Variants in SULF1 observed in about 807,000 individuals in gnomAD.
The protein encoded by SULF1 is extracellular sulfatase Sulf-1.
In SULF1, 46 loss-of-function variants were observed where a neutral mutation model predicts 110.5. That is an observed-to-expected ratio of 0.42 (90% CI 0.33 to 0.53). The LOEUF (loss-of-function observed/expected upper bound fraction) is 0.53. Ranked by LOEUF, SULF1 falls within the 20% of genes least tolerant of loss-of-function variation. The pLI, the probability that SULF1 is intolerant of heterozygous loss-of-function variation, is 0.12. For missense variants in SULF1, 941 were observed against 1,094.2 expected, an observed-to-expected ratio of 0.86 and a Z score of 1.98; for synonymous variants, 371 against 387.1, an observed-to-expected ratio of 0.96 and a Z score of 0.49.
At chr8:69,583,181 T>C (rs1024529227) in intron 6 of SULF1, among the ~76,000 whole-genome samples, 2 of 152,206 alleles carry the variant, frequency 1.3e-5, no homozygotes, top group African/African-American at 4.8e-5. Context: ...TAGATTCTTT[T>C]AAAAATAATA....
At chr8:69,488,540 T>C (rs1041214626), upstream of SULF1, among the ~76,000 whole-genome samples, 2 of 151,934 alleles carry the variant, frequency 1.3e-5, no homozygotes, top group African/African-American at 4.8e-5. Flanking sequence ...TATTTGGAAA[T>C]AGCCTAACAG....
intron 13 of SULF1, among the ~76,000 whole-genome samples, chr8:69,607,556 G>T (rs1410329133): frequency 6.6e-6 from 1 of 152,076 alleles, no homozygotes; most frequent in Non-Finnish European, 1.5e-5. Flanking sequence ...TAGAGATGGG[G>T]TTTTGCCATG....
At chr8:69,597,902 A>G (rs1432344590) in intron 8 of SULF1, among the ~76,000 whole-genome samples, 5 of 152,156 alleles carry the variant, frequency 3.3e-5, no homozygotes, top group East Asian at 1.9e-4. Context: ...CCAACTTTCT[A>G]TATTTCTCTG....
At chr8:69,608,261 T>G (rs1480237063) in intron 13 of SULF1, among the ~76,000 whole-genome samples, 1 of 152,224 alleles carries the variant, frequency 6.6e-6, no homozygotes, top group Non-Finnish European at 1.5e-5. Flanking sequence ...GAGGATTAAG[T>G]GATATTATAC....
chr8:69,544,224 T>C (rs1814072089), intron 3 of SULF1, among the ~76,000 whole-genome samples: 1 of 152,204 alleles, frequency 6.6e-6, no homozygotes, highest in African/African-American at 2.4e-5. Context: ...ATTTGAGGTA[T>C]AACTGAGACA....
intron 6 of SULF1, among the ~76,000 whole-genome samples, chr8:69,582,448 T>C (rs1415859149): frequency 6.6e-6 from 1 of 152,210 alleles, no homozygotes; most frequent in African/African-American, 2.4e-5. Flanking sequence ...AGCCGTTGTT[T>C]TGTGCCAGGC....
At chr8:69,573,095 G>A (rs781476087) in intron 5 of SULF1, among the ~76,000 whole-genome samples, 9 of 152,188 alleles carry the variant, frequency 5.9e-5, no homozygotes, top group East Asian at 5.8e-4. Flanking sequence ...CCAAAGTGCC[G>A]GGATTACAGG....
chr8:69,607,159 G>A (rs76774992), intron 13 of SULF1, among the ~76,000 whole-genome samples: 7,954 of 152,278 alleles, frequency 0.052, 227 homozygotes, highest in Middle Eastern at 0.085. Flanking sequence ...TAGGGGTGAA[G>A]CCCAGCAATC....
chr8:69,531,809 C>A (rs1454107348), intron 3 of SULF1, among the ~76,000 whole-genome samples: 1 of 152,118 alleles, frequency 6.6e-6, no homozygotes, highest in African/African-American at 2.4e-5. Flanking sequence ...CCAAGACGAC[C>A]TTTTCCTCTT....
chr8:69,629,574 A>G lies in SULF1; in HGVS notation c.2179A>G (p.Arg727Gly). ...KENNRRRKKE[R>G]KEKRRQRKGE... ...GAACAACCGTAGGAGGAAGAAGGAG[A>G]GGAAGGAGAAGAGACGGCAGAGGAA... The change falls in exon 19 of 23, where the codon AGG becomes GGG. Residue 727 changes from arginine (R) to glycine (G), a missense_variant. This residue lies in a region of SULF1 where 822 missense variants were observed against 934.3 expected (regional missense o/e 0.88). Transcript: ENST00000402687. 1 of 1,614,058 alleles carries G rather than the reference A, an allele frequency of 6.2e-7. No individual in the cohort carries two copies. The highest frequency in any genetic ancestry group is 8.5e-7 in the Non-Finnish European group (1 of 1,179,954).
At chr8:69,621,479 G>A (rs910002720) in intron 14 of SULF1, among the ~76,000 whole-genome samples, 1 of 152,160 alleles carries the variant, frequency 6.6e-6, no homozygotes, top group Non-Finnish European at 1.5e-5. Context: ...GTTCATAAAA[G>A]CACCAGATGC....
At chr8:69,554,871 C>G (rs577242027) in intron 3 of SULF1, among the ~76,000 whole-genome samples, 2 of 148,066 alleles carry the variant, frequency 1.4e-5, no homozygotes, top group South Asian at 4.4e-4. Context: ...CCCAGCTACT[C>G]GGGAGGCTGA....
chr8:69,617,825 C>T (rs1311784084), intron 13 of SULF1, among the ~76,000 whole-genome samples: 1 of 152,150 alleles, frequency 6.6e-6, no homozygotes, highest in Admixed American at 6.5e-5. Context: ...AGCATAGGTG[C>T]ACTGATAGTA....
intron 3 of SULF1, among the ~76,000 whole-genome samples, chr8:69,512,185 T>C (rs1282515332): frequency 6.6e-6 from 1 of 152,204 alleles, no homozygotes; most frequent in Non-Finnish European, 1.5e-5. Context: ...AACATAGTGT[T>C]CGGTTTCCCT....
chr8:69,594,094 C>A (rs1049133981), intron 8 of SULF1, among the ~76,000 whole-genome samples: 1 of 152,004 alleles, frequency 6.6e-6, no homozygotes, highest in Non-Finnish European at 1.5e-5. Context: ...TCTTGTTGCC[C>A]AGGCTGGAGT....
At chr8:69,525,499 G>A (rs1045770726) in intron 3 of SULF1, among the ~76,000 whole-genome samples, 1 of 152,138 alleles carries the variant, frequency 6.6e-6, no homozygotes, top group Admixed American at 6.6e-5. Context: ...ACCTTGGTTT[G>A]CAAGGAAGTT....
chr8:69,487,875 C>T (rs748997108), upstream of SULF1, among the ~76,000 whole-genome samples: 1 of 152,148 alleles, frequency 6.6e-6, no homozygotes, highest in African/African-American at 2.4e-5. Context: ...AGTCTAAGAA[C>T]GTGTGTCGAA....
chr8:69,627,744 C>A (rs757323666), intron 16 of SULF1, 28 bp from the exon 17 acceptor site: 1 of 1,457,520 alleles, frequency 6.9e-7, no homozygotes, highest in Admixed American at 1.8e-5. Context: ...GATCTTAATA[C>A]GTAAGTGCTT....
chr8:69,658,387 G>A (rs1812880075), intron 22 of SULF1, 118 bp from the exon 23 acceptor site: 1 of 708,224 alleles, frequency 1.4e-6, no homozygotes, highest in Admixed American at 2.9e-5. Flanking sequence ...AGGGGAAAAT[G>A]CTTTTGAGTG....
Sources: gnomAD v4.1 joint callset for allele counts (sites outside exome capture counted in the v4.1 genomes callset) on GRCh38, gnomAD v4.1.1 for gene constraint, gnomAD v4.1.1 regional missense constraint, MANE v1.5 for transcripts, NCBI Gene and HGNC (gene_info 2026-07-23, HGNC 2026-07-21) for gene names.